The following SLC24A4 variants were observed in gnomAD, a reference collection of about 807,000 sequenced individuals.
The protein encoded by SLC24A4 is solute carrier family 24 member 4, also known as sodium/potassium/calcium exchanger 4.
SLC24A4 carries 53 observed loss-of-function variants against 79.0 expected under a neutral mutation model. The observed-to-expected ratio is 0.67, with a 90% CI of 0.54 to 0.84. The LOEUF (loss-of-function observed/expected upper bound fraction) is 0.84. SLC24A4 is among the 40% of genes least tolerant of loss of function. SLC24A4 has a pLI of 0.00. For missense variants in SLC24A4, 731 were observed against 822.0 expected (o/e 0.89, Z 1.35); for synonymous variants, 323 against 323.8 (o/e 1.00, Z 0.03).
At chr14:92,458,384 C>T (rs1189985746) in intron 12 of SLC24A4, among the ~76,000 whole-genome samples, 15 of 152,178 alleles carry the variant, frequency 9.9e-5, no homozygotes, top group Non-Finnish European at 1.9e-4. Flanking sequence ...CCGTCTCAAA[C>T]GCTTCCCTGG....
chr14:92,340,122 G>A (rs1169921460), intron 2 of SLC24A4, among the ~76,000 whole-genome samples: 3 of 152,226 alleles, frequency 2.0e-5, no homozygotes, highest in African/African-American at 7.2e-5. Context: ...CAGGATACTA[G>A]TTCAAGAAGA....
At chr14:92,439,891 G>T (rs1226362344) in intron 4 of SLC24A4, among the ~76,000 whole-genome samples, 1 of 152,200 alleles carries the variant, frequency 6.6e-6, no homozygotes, top group Non-Finnish European at 1.5e-5. Context: ...GTTAGTTTTT[G>T]ACTTTCTTTC....
At chr14:92,436,375 A>G (rs1056099850) in intron 3 of SLC24A4, among the ~76,000 whole-genome samples, 7 of 152,216 alleles carry the variant, frequency 4.6e-5, no homozygotes, top group Non-Finnish European at 1.0e-4. Flanking sequence ...CAACAGCAGA[A>G]TAGTTGTGGA....
At chr14:92,472,630 C>G (rs1176831789) in intron 12 of SLC24A4, among the ~76,000 whole-genome samples, 1 of 152,122 alleles carries the variant, frequency 6.6e-6, no homozygotes, top group African/African-American at 2.4e-5. Flanking sequence ...GTGCACATAT[C>G]TGTGAACATA....
At chr14:92,439,444 C>T in intron 4 of SLC24A4, 35 bp downstream of exon 4, 1 of 1,581,862 alleles carries the variant, frequency 6.3e-7, no homozygotes, top group Non-Finnish European at 8.7e-7. Context: ...CTTGGTGAAG[C>T]CTTGAAGACA....
At chr14:92,362,142 A>G (rs1185969678) in intron 2 of SLC24A4, among the ~76,000 whole-genome samples, 1 of 152,018 alleles carries the variant, frequency 6.6e-6, no homozygotes, top group Non-Finnish European at 1.5e-5. Flanking sequence ...GGCTGCACTA[A>G]AATGCAAACC....
chr14:92,501,364 A>G lies in SLC24A4; in HGVS notation c.*7736A>G, dbSNP rs1033786624. On this transcript the variant is annotated 3_prime_UTR_variant, in exon 17 of 17. Transcript: ENST00000532405. ...TGAACACTGGCATGAGTTTATTTTT[A>G]TTGTGAAGAAAAAAATCTACAGCAA... 1.3e-5 allele frequency: 2 copies of G among 152,212 alleles called. No individual in the cohort carries two copies. Among genetic ancestry groups the G allele is most frequent in the African/African-American group, 4.8e-5 (2 of 41,450 alleles). 9.4% of individuals were successfully genotyped at this position (152,212 alleles called of 1,614,324 possible).
rs993080771 is a variant in SLC24A4 at position 92,490,869 on chromosome 14, G to A, written c.1538-796G>A. ...CGGAAGTGTATTGTCTTGTGGTTCC[G>A]GAGGCCAGAAGCCTGAAGGAGAGTC... On this transcript the variant is annotated intron_variant, in intron 14 of 16. Transcript: ENST00000532405. This position sits in a 1 kb window ranked among gnomAD's most constrained non-coding sequence, Gnocchi z 4.3. Among the ~76,000 whole-genome samples, 45 of 152,228 alleles carry A rather than the reference G, an allele frequency of 3.0e-4. No homozygotes were observed. The highest frequency in any genetic ancestry group is 4.7e-4 in the Non-Finnish European group (32 of 68,044).
At chr14:92,428,790 C>A (rs566231783) in intron 2 of SLC24A4, among the ~76,000 whole-genome samples, 1 of 152,288 alleles carries the variant, frequency 6.6e-6, no homozygotes, top group East Asian at 1.9e-4. Flanking sequence ...GGGGAGGGGA[C>A]CCCCTAGAGG....
At chr14:92,355,414 G>T (rs144167246) in intron 2 of SLC24A4, among the ~76,000 whole-genome samples, 1 of 152,284 alleles carries the variant, frequency 6.6e-6, no homozygotes, top group Non-Finnish European at 1.5e-5. Context: ...GCCCAGTGAG[G>T]TCTCACTCTC....
At chr14:92,431,064 C>T (rs769596885) in intron 2 of SLC24A4, among the ~76,000 whole-genome samples, 13 of 152,224 alleles carry the variant, frequency 8.5e-5, no homozygotes, top group Non-Finnish European at 1.6e-4. Flanking sequence ...GCTTCAGATT[C>T]TCATGTAGCC....
At position 92,441,481 on chromosome 14, in the gene SLC24A4, C is replaced by T. The variant is rs765622938; in HGVS notation, c.394-608C>T. On this transcript the variant is annotated intron_variant, in intron 4 of 16. Transcript: ENST00000532405. The surrounding 1 kb of genome is among the most constrained non-coding windows in gnomAD (Gnocchi z 4.6). ...TCAGGCCTGCCGTGGAGAAGGCCTT[C>T]CAGAATGCAAGGCCCAGCTGCAGGC... Among the ~76,000 whole-genome samples, 1 of 152,202 alleles carries T rather than the reference C, an allele frequency of 6.6e-6. No homozygotes were observed. The highest frequency in any genetic ancestry group is 2.4e-5 in the African/African-American group (1 of 41,446).
At chr14:92,419,279 C>G (rs1028225996) in intron 2 of SLC24A4, among the ~76,000 whole-genome samples, 1 of 152,180 alleles carries the variant, frequency 6.6e-6, no homozygotes, top group Non-Finnish European at 1.5e-5. Context: ...AGGTGTCATT[C>G]CAGCCTTCCT....
chr14:92,370,416 T>C (rs1888088355), intron 2 of SLC24A4, among the ~76,000 whole-genome samples: 1 of 152,176 alleles, frequency 6.6e-6, no homozygotes, highest in Non-Finnish European at 1.5e-5. Flanking sequence ...ATTGCTATTA[T>C]TATTATTATT....
chr14:92,465,366 G>A (rs1444538970), intron 12 of SLC24A4, among the ~76,000 whole-genome samples: 1 of 152,230 alleles, frequency 6.6e-6, no homozygotes, highest in Non-Finnish European at 1.5e-5. Flanking sequence ...TCCCTGCGGT[G>A]AGATGCAAAG....
At chr14:92,417,539 A>G (rs1891047020) in intron 2 of SLC24A4, among the ~76,000 whole-genome samples, 1 of 121,944 alleles carries the variant, frequency 8.2e-6, no homozygotes, top group African/African-American at 3.3e-5. Flanking sequence ...GTGTAGCCTA[A>G]GTGTCCAGTA....
At chr14:92,324,084 C>T (rs1262636100) in intron 1 of SLC24A4, 124 bp downstream of exon 1, 2 of 1,308,548 alleles carry the variant, frequency 1.5e-6, no homozygotes, top group Non-Finnish European at 2.0e-6. Flanking sequence ...TTCATCCAGT[C>T]CCCTCCCCGC....
chr14:92,377,850 C>T (rs1039600811), intron 2 of SLC24A4, among the ~76,000 whole-genome samples: 7 of 151,654 alleles, frequency 4.6e-5, no homozygotes, highest in African/African-American at 1.2e-4. Flanking sequence ...AGGCAGGACT[C>T]GGTGACTGGT....
chr14:92,397,164 C>T (rs1001431766), intron 2 of SLC24A4, among the ~76,000 whole-genome samples: 3 of 152,136 alleles, frequency 2.0e-5, no homozygotes, highest in African/African-American at 7.2e-5. Context: ...TTCTCAGTTG[C>T]TCTGACGTTG....
Sources: gnomAD v4.1 joint callset for allele counts (sites outside exome capture counted in the v4.1 genomes callset) on GRCh38, gnomAD v4.1.1 for gene constraint, Gnocchi (gnomAD v3.1) non-coding constraint, MANE v1.5 for transcripts, NCBI Gene and HGNC (gene_info 2026-07-23, HGNC 2026-07-21) for gene names.